CACNA2D3: variants seen among roughly 807,000 people sequenced by gnomAD.
CACNA2D3 encodes voltage-dependent calcium channel subunit alpha-2/delta-3.
CACNA2D3 carries 60 observed loss-of-function variants against 160.6 expected under a neutral mutation model. That is an observed-to-expected ratio of 0.37 (90% CI 0.30 to 0.46). The LOEUF (loss-of-function observed/expected upper bound fraction) is 0.46. CACNA2D3 is among the 20% of genes least tolerant of loss of function. CACNA2D3 has a pLI of 1.00. For synonymous variants in CACNA2D3, 558 were observed against 492.9 expected, an observed-to-expected ratio of 1.13 and a Z score of -1.75; for missense variants, 1,205 against 1,365.0, an observed-to-expected ratio of 0.88 and a Z score of 1.85.
chr3:54,861,086 T>C (rs895627696), intron 17 of CACNA2D3, among the ~76,000 whole-genome samples: 2 of 152,114 alleles, frequency 1.3e-5, no homozygotes, highest in Admixed American at 6.5e-5. Flanking sequence ...CCTGAAATAG[T>C]CTTTTTACCA....
At chr3:54,871,212 C>CAG (rs1171988970) in intron 17 of CACNA2D3, among the ~76,000 whole-genome samples, 3 of 116,440 alleles carry the variant, frequency 2.6e-5, no homozygotes, top group African/African-American at 9.9e-5. Flanking sequence ...CACACACACA[C>CAG]ACACACACAC....
At chr3:54,763,872 TATATATATGTATATATATGTATGTGG>T in intron 12 of CACNA2D3, among the ~76,000 whole-genome samples, 1 of 33,492 alleles carries the variant, frequency 3.0e-5, no homozygotes, top group South Asian at 1.2e-3. Context: ...TATATATACG[TATATATATGTATATATATGTATGTGG>T]GGGGGGGGGG....
chr3:54,657,935 G>A (rs960452876), intron 11 of CACNA2D3, among the ~76,000 whole-genome samples: 7 of 152,096 alleles, frequency 4.6e-5, no homozygotes, highest in Non-Finnish European at 8.8e-5. Flanking sequence ...AGACTCAAGC[G>A]GGAGACTGGG....
At chr3:55,010,544 G>A (rs1170667519) in intron 34 of CACNA2D3, among the ~76,000 whole-genome samples, 1 of 152,142 alleles carries the variant, frequency 6.6e-6, no homozygotes, top group Non-Finnish European at 1.5e-5. Flanking sequence ...CCACTCATGT[G>A]CTATTTCTCA....
chr3:54,523,899 T>G (rs1701685428), intron 5 of CACNA2D3, among the ~76,000 whole-genome samples: 1 of 151,976 alleles, frequency 6.6e-6, no homozygotes, highest in Admixed American at 6.6e-5. Flanking sequence ...TTTTTCGTGT[T>G]TAATCTAGCT....
chr3:54,906,463 A>G (rs1700450242), intron 27 of CACNA2D3, among the ~76,000 whole-genome samples: 1 of 152,180 alleles, frequency 6.6e-6, no homozygotes, highest in Non-Finnish European at 1.5e-5. Context: ...GAATCATGAG[A>G]CGCAGTCTGC....
chr3:54,626,709 A>G (rs1575391162), intron 9 of CACNA2D3: 1 of 697,048 alleles, frequency 1.4e-6, no homozygotes, highest in Non-Finnish European at 2.3e-6. Flanking sequence ...AAAAAAAAAA[A>G]GAAAGAAAAA....
At chr3:54,983,527 T>TA (rs1403813851) in intron 29 of CACNA2D3, among the ~76,000 whole-genome samples, 1 of 152,212 alleles carries the variant, frequency 6.6e-6, no homozygotes, top group East Asian at 1.9e-4. Flanking sequence ...GATCCCTTTG[T>TA]ATAACCAGGA....
chr3:54,500,873 G>A (rs1289183634), intron 4 of CACNA2D3, among the ~76,000 whole-genome samples: 1 of 152,118 alleles, frequency 6.6e-6, no homozygotes, highest in Non-Finnish European at 1.5e-5. Flanking sequence ...GAATACCTGA[G>A]ACTTTATAAA....
chr3:54,570,188 A>G lies in CACNA2D3; in HGVS notation c.888+84A>G, dbSNP rs568406396. ...ACTGGTTAACATTGCTCTCGCTGTT[A>G]GATCCAGAGCATCTAGATGCCAGAA... is the stretch of plus-strand genomic sequence containing the variant. On this transcript the variant is annotated intron_variant, in intron 8 of 37. Coordinates refer to ENST00000474759, the MANE Select transcript of CACNA2D3 (RefSeq NM_018398.3). 6.5e-6 allele frequency: 9 copies of G among 1,377,748 alleles called. No homozygotes were observed. In the African/African-American group the frequency reaches 1.1e-4, roughly 17 times the overall value. 85.3% of individuals were successfully genotyped at this position (1,377,748 alleles called of 1,614,324 possible).
chr3:54,754,070 A>T (rs1177478149), intron 12 of CACNA2D3, among the ~76,000 whole-genome samples: 1 of 152,006 alleles, frequency 6.6e-6, no homozygotes, highest in African/African-American at 2.4e-5. Flanking sequence ...ACTAGGACAT[A>T]ATAAGTGCTC....
chr3:54,844,427 T>C (rs1433801799), intron 16 of CACNA2D3, among the ~76,000 whole-genome samples: 3 of 152,090 alleles, frequency 2.0e-5, no homozygotes, highest in Non-Finnish European at 1.5e-5. Flanking sequence ...ATACAGGACA[T>C]TGGGATGGGA....
intron 24 of CACNA2D3, among the ~76,000 whole-genome samples, chr3:54,889,360 G>A (rs1336911117): frequency 6.6e-6 from 1 of 152,154 alleles, no homozygotes; most frequent in Non-Finnish European, 1.5e-5. Flanking sequence ...AATAGTAAAG[G>A]TTCGTACAGT....
chr3:54,934,916 T>C (rs1701291648), intron 27 of CACNA2D3, among the ~76,000 whole-genome samples: 1 of 152,106 alleles, frequency 6.6e-6, no homozygotes, highest in Non-Finnish European at 1.5e-5. Context: ...ATTTATTTTC[T>C]AGTAGAGACA....
intron 14 of CACNA2D3, among the ~76,000 whole-genome samples, chr3:54,820,140 C>G (rs1366772652): frequency 1.3e-5 from 2 of 152,152 alleles, no homozygotes; most frequent in African/African-American, 4.8e-5. Context: ...GTCATGAGCG[C>G]ATACGTTGTA....
At chr3:54,274,215 CAT>C (rs148715563) in intron 2 of CACNA2D3, among the ~76,000 whole-genome samples, 5 of 149,842 alleles carry the variant, frequency 3.3e-5, no homozygotes, top group African/African-American at 4.9e-5. Flanking sequence ...GATTTCTATG[CAT>C]ATATATATAT....
chr3:54,489,907 T>G (rs1011190250), intron 4 of CACNA2D3, among the ~76,000 whole-genome samples: 5 of 152,138 alleles, frequency 3.3e-5, no homozygotes, highest in African/African-American at 1.2e-4. Context: ...GAACAGATCA[T>G]TAAAAAAATC....
At chr3:54,142,793 C>T (rs1699960746) in intron 2 of CACNA2D3, among the ~76,000 whole-genome samples, 1 of 152,200 alleles carries the variant, frequency 6.6e-6, no homozygotes, top group South Asian at 2.1e-4. Flanking sequence ...AGCTATTTGG[C>T]TAGGAGGCAG....
At chr3:54,594,421 T>A (rs541291764) in intron 9 of CACNA2D3, among the ~76,000 whole-genome samples, 2 of 152,342 alleles carry the variant, frequency 1.3e-5, no homozygotes, top group South Asian at 4.1e-4. Flanking sequence ...GAAGGAGAAG[T>A]CTGTTATTAA....
Sources: allele counts gnomAD v4.1 joint callset (sites outside exome capture counted in the v4.1 genomes callset), GRCh38; gene constraint gnomAD v4.1.1; transcripts MANE v1.5; gene names NCBI Gene and HGNC (gene_info 2026-07-23, HGNC 2026-07-21).